PTPRN2: variants seen among roughly 807,000 people sequenced by gnomAD.
PTPRN2 encodes the protein protein tyrosine phosphatase receptor type N2, also known as receptor-type tyrosine-protein phosphatase N2.
Under a neutral mutation model 118.8 loss-of-function variants are expected in PTPRN2, and 74 were observed. The ratio of observed to expected loss-of-function variants is 0.62; its 90% CI spans 0.52 to 0.76. The LOEUF (loss-of-function observed/expected upper bound fraction) is 0.76, where lower values mean the gene tolerates loss of function less well. Ranked by LOEUF, PTPRN2 falls within the 30% of genes least tolerant of loss-of-function variation. PTPRN2 has a pLI of 0.00. For synonymous variants in PTPRN2, 641 were observed against 608.0 expected (o/e 1.05, Z -0.80); for missense variants, 1,481 against 1,394.4 (o/e 1.06, Z -0.99).
chr7:158,435,920 C>T (rs756117844), intron 2 of PTPRN2, among the ~76,000 whole-genome samples: 12 of 152,074 alleles, frequency 7.9e-5, no homozygotes, highest in Admixed American at 2.0e-4. Flanking sequence ...GGGGCTGGGT[C>T]GGGGCAGGGT....
chr7:157,849,986 T>A (rs1196487421), intron 12 of PTPRN2, among the ~76,000 whole-genome samples: 1 of 152,256 alleles, frequency 6.6e-6, no homozygotes, highest in East Asian at 1.9e-4. Flanking sequence ...AGGGATGGTC[T>A]TCCAAGGATT....
intron 4 of PTPRN2, among the ~76,000 whole-genome samples, chr7:158,202,610 T>G (rs1202693790): frequency 6.6e-6 from 1 of 152,100 alleles, no homozygotes; most frequent in Non-Finnish European, 1.5e-5. Flanking sequence ...GAAGGGAGTG[T>G]GGAGGAAAGG....
chr7:158,366,446 C>T (rs1367039621), intron 2 of PTPRN2, among the ~76,000 whole-genome samples: 1 of 151,826 alleles, frequency 6.6e-6, no homozygotes, highest in Non-Finnish European at 1.5e-5. Context: ...TGCACACGCA[C>T]ACACACCCAC....
At position 157,609,233 on chromosome 7, in the gene PTPRN2, A is replaced by C. The variant is rs1802184701; in HGVS notation, c.2345-5158T>G. 6.6e-6 allele frequency among the ~76,000 whole-genome samples: 1 copy of C among 152,092 alleles called. No individual in the cohort carries two copies. Among genetic ancestry groups the C allele is most frequent in the African/African-American group, 2.4e-5 (1 of 41,404 alleles). Reference sequence around the variant, plus strand: ...CCACGTCTCTACTAAAAATACAAAAATTAGCCAGGCGTGGTGGTGGGCGGC... The same window carrying C: ...CCACGTCTCTACTAAAAATACAAAACTTAGCCAGGCGTGGTGGTGGGCGGC... On this transcript the variant is annotated intron_variant, in intron 15 of 22. Coordinates refer to ENST00000389418, the MANE Select transcript of PTPRN2 (RefSeq NM_002847.5). The surrounding 1 kb of genome is among the most constrained non-coding windows in gnomAD (Gnocchi z 4.9).
intron 2 of PTPRN2, among the ~76,000 whole-genome samples, chr7:158,458,642 C>T (rs963236497): frequency 1.3e-5 from 2 of 152,208 alleles, no homozygotes; most frequent in African/African-American, 2.4e-5. Flanking sequence ...GAACCATGAT[C>T]GTCCCCACTG....
At chr7:158,407,231 CCT>C (rs1813599015) in intron 2 of PTPRN2, among the ~76,000 whole-genome samples, 2 of 48,166 alleles carry the variant, frequency 4.2e-5, no homozygotes, top group Admixed American at 1.9e-4. Flanking sequence ...CGTCCTGGGT[CCT>C]GGGTCCTGGG....
Position 157,603,016 on chromosome 7 carries a change from G to A in PTPRN2, c.2418+986C>T, listed in dbSNP as rs1801771514. Among the ~76,000 whole-genome samples the A allele has an allele frequency of 6.6e-6, 1 of 152,198 alleles. No individual in the cohort carries two copies. The highest frequency in any genetic ancestry group is 2.1e-4 in the South Asian group (1 of 4,834). ...CTGAAGACCAGAATTGAGAAGAGCT[G>A]TTTAAAGGGGGAAACATGACAACCA... On this transcript the variant is annotated intron_variant, in intron 16 of 22. Transcript: ENST00000389418. The surrounding 1 kb of genome is among the most constrained non-coding windows in gnomAD (Gnocchi z 5.4).
chr7:157,791,813 G>T (rs1804519477), intron 12 of PTPRN2, among the ~76,000 whole-genome samples: 1 of 152,242 alleles, frequency 6.6e-6, no homozygotes, highest in South Asian at 2.1e-4. Flanking sequence ...GTTTCCTGAG[G>T]ACCTGGAGGG....
intron 12 of PTPRN2, among the ~76,000 whole-genome samples, chr7:157,744,764 G>T (rs1800822813): frequency 6.6e-6 from 1 of 152,184 alleles, no homozygotes; most frequent in Admixed American, 6.5e-5. Context: ...GAGTGAGGTG[G>T]AGGGGAAGCC....
At chr7:157,766,560 CAGAGCTTCTATCCT>C (rs1802502319) in intron 12 of PTPRN2, among the ~76,000 whole-genome samples, 1 of 152,370 alleles carries the variant, frequency 6.6e-6, no homozygotes, top group East Asian at 1.9e-4. Flanking sequence ...AAGCTATTCT[CAGAGCTTCTATCCT>C]AGAGAATTGC....
chr7:157,809,253 C>G (rs1003816152), intron 12 of PTPRN2, among the ~76,000 whole-genome samples: 2 of 151,478 alleles, frequency 1.3e-5, no homozygotes, highest in Non-Finnish European at 2.9e-5. Flanking sequence ...CAGCCCTGAG[C>G]GAGGTGTGGA....
At chr7:158,111,646 C>G (rs77378854) in intron 9 of PTPRN2, among the ~76,000 whole-genome samples, 1 of 152,188 alleles carries the variant, frequency 6.6e-6, no homozygotes, top group Non-Finnish European at 1.5e-5. Flanking sequence ...CAGACCAAAA[C>G]GCCTGCATTC....
intron 3 of PTPRN2, among the ~76,000 whole-genome samples, chr7:158,250,686 C>T (rs1796599545): frequency 6.6e-6 from 1 of 152,178 alleles, no homozygotes; most frequent in Non-Finnish European, 1.5e-5. Flanking sequence ...GTTTCTCTCT[C>T]GTCTGTTTTT....
In PTPRN2 at chr7:157,874,457, C is replaced by CA. The variant is rs1406756088; in HGVS notation, c.1788+24215dup. 2.0e-5 allele frequency among the ~76,000 whole-genome samples: 3 copies of CA among 152,244 alleles called. No individual in the cohort carries two copies. Among genetic ancestry groups the CA allele is most frequent in the Admixed American group, 6.5e-5 (1 of 15,288 alleles). On this transcript the variant is annotated intron_variant, in intron 12 of 22. Coordinates refer to ENST00000389418, the MANE Select transcript of PTPRN2 (RefSeq NM_002847.5). This position sits in a 1 kb window ranked among gnomAD's most constrained non-coding sequence, Gnocchi z 5.8. The stretch of plus-strand genomic sequence containing the variant: ...GCCTCTGCTTCTGTCCACATGGCCC[C>CA]AGCCACAGTGCCTTCCTGCCAGCCA...
At chr7:158,394,174 C>T (rs1299700033) in intron 2 of PTPRN2, among the ~76,000 whole-genome samples, 2 of 151,752 alleles carry the variant, frequency 1.3e-5, no homozygotes, top group East Asian at 3.9e-4. Context: ...CACCTGGACC[C>T]CCTCTGTCCC....
At chr7:158,078,473 A>C (rs1401023923) in intron 11 of PTPRN2, among the ~76,000 whole-genome samples, 2 of 152,236 alleles carry the variant, frequency 1.3e-5, no homozygotes, top group Admixed American at 6.5e-5. Flanking sequence ...TTGTGATGAC[A>C]CTATTAGGAT....
At chr7:158,332,230 A>G (rs1334907592) in intron 2 of PTPRN2, among the ~76,000 whole-genome samples, 2 of 145,544 alleles carry the variant, frequency 1.4e-5, no homozygotes, top group African/African-American at 2.8e-5. Flanking sequence ...CACTCTGTCC[A>G]TAAGAGCTGA....
Position 157,949,015 on chromosome 7 carries a change from C to T in PTPRN2, c.1724-50278G>A, listed in dbSNP as rs531834581. The stretch of plus-strand genomic sequence containing the variant: ...GGGCCAACTTTGAGACTTGAGTATG[C>T]GTGAATTTTGGTACACATTGCAGGG... On this transcript the variant is annotated intron_variant, in intron 11 of 22. Transcript: ENST00000389418. Among the ~76,000 whole-genome samples, 12 of 152,154 alleles carry T rather than the reference C, an allele frequency of 7.9e-5. No homozygotes were observed. In the East Asian group the frequency reaches 1.3e-3, roughly 17 times the overall value.
chr7:158,404,852 C>T (rs1459048186), intron 2 of PTPRN2, among the ~76,000 whole-genome samples: 2 of 135,100 alleles, frequency 1.5e-5, no homozygotes, highest in South Asian at 5.4e-4. Flanking sequence ...CCCCGGCCTC[C>T]AGCTCCCCAG....
Sources: allele counts gnomAD v4.1 joint callset (sites outside exome capture counted in the v4.1 genomes callset), GRCh38; gene constraint gnomAD v4.1.1; non-coding constraint Gnocchi (gnomAD v3.1); transcripts MANE v1.5; gene names NCBI Gene and HGNC (gene_info 2026-07-23, HGNC 2026-07-21).